Variants in C12orf43 observed in about 807,000 individuals in gnomAD.
C12orf43 encodes the protein chromosome 12 open reading frame 43, also known as protein CUSTOS.
Under a neutral mutation model 20.6 loss-of-function variants are expected in C12orf43, and 15 were observed. The observed-to-expected ratio is 0.73, with a 90% CI of 0.49 to 1.12. C12orf43 has a LOEUF of 1.12. Among genes scored for constraint, C12orf43 ranks in the 50% most tolerant of loss-of-function variants. The probability of loss-of-function intolerance (pLI) is 0.00; values close to 1 mark genes in which losing one functional copy is unlikely to be tolerated. For synonymous variants in C12orf43, 144 were observed against 130.8 expected, an observed-to-expected ratio of 1.10 and a Z score of -0.69; for missense variants, 334 against 344.4, an observed-to-expected ratio of 0.97 and a Z score of 0.24.
At chr12:121,007,247 T>C (rs142114800) in intron 3 of C12orf43, 5 of 152,284 alleles carry the variant, frequency 3.3e-5, no homozygotes, top group Admixed American at 3.3e-4. Context: ...AGATGTTCCA[T>C]AGACCCTCCA....
In C12orf43 at chr12:121,004,633, C is replaced by T; in HGVS notation, c.453-144G>A. The T allele has an allele frequency of 1.2e-6, 1 of 815,854 alleles. No individual in the cohort carries two copies. The highest frequency in any genetic ancestry group is 1.9e-6 in the Non-Finnish European group (1 of 526,336). 50.5% of individuals were successfully genotyped at this position (815,854 alleles called of 1,614,324 possible). On this transcript the variant is annotated intron_variant, in intron 5 of 5. Coordinates refer to ENST00000288757, the MANE Select transcript of C12orf43 (RefSeq NM_022895.3). The surrounding 1 kb of genome is among the most constrained non-coding windows in gnomAD (Gnocchi z 5.6). ...GTGAGTTCAGGCTTGGGAGTGAGGCCAACCTGGCTTCCAATACTGGCTTCT... is the reference window on the plus strand; with the variant it reads ...GTGAGTTCAGGCTTGGGAGTGAGGCTAACCTGGCTTCCAATACTGGCTTCT...
In C12orf43 at chr12:121,003,484, C is replaced by G. The variant is rs1877695344; in HGVS notation, c.*669G>C. 6.6e-6 allele frequency: 1 copy of G among 152,316 alleles called. No individual in the cohort carries two copies. The highest frequency in any genetic ancestry group is 2.1e-4 in the South Asian group (1 of 4,828). The allele number at this position is 152,316 out of a possible 1,614,324, so 9.4% of individuals were successfully genotyped here. ...AAAATGTCTTAAGGTTCAGCATTGA[C>G]AGAGAGGCAATATCCAAATCACTCT... is the stretch of plus-strand genomic sequence containing the variant. On this transcript the variant is annotated 3_prime_UTR_variant, in exon 6 of 6. Coordinates refer to ENST00000288757, the MANE Select transcript of C12orf43 (RefSeq NM_022895.3).
At chr12:121,007,013 AAG>A (rs1878078885) in intron 3 of C12orf43, 1 of 152,892 alleles carries the variant, frequency 6.5e-6, no homozygotes, top group Non-Finnish European at 1.5e-5. Context: ...GAGGAACAGA[AAG>A]ACCTAGAAGT....
In C12orf43 at chr12:121,001,239, A is replaced by G; in HGVS notation, c.*2914T>C. ...GCCTGTACTGCCTGCTTGGGGGGTG[A>G]TGAGGGCAGCAGCCAGCCCTGCCTG... On this transcript the variant is annotated 3_prime_UTR_variant, in exon 6 of 6. Coordinates refer to ENST00000288757, the MANE Select transcript of C12orf43 (RefSeq NM_022895.3). 1 of 1,609,190 alleles carries G rather than the reference A, an allele frequency of 6.2e-7. No individual in the cohort carries two copies. Among genetic ancestry groups the G allele is most frequent in the Non-Finnish European group, 8.5e-7 (1 of 1,178,138 alleles).
At position 121,001,341 on chromosome 12, in the gene C12orf43, CAGAA is replaced by C; in HGVS notation, c.*2808_*2811del. ...CGCTCCCCACTCTGCTCTGATGCAT[CAGAA>C]AGGGAGGGCTCTGAGGCGCCCCAAC... On this transcript the variant is annotated 3_prime_UTR_variant, in exon 6 of 6. Coordinates refer to ENST00000288757, the MANE Select transcript of C12orf43 (RefSeq NM_022895.3). 2 of 1,019,044 alleles carry C rather than the reference CAGAA, an allele frequency of 2.0e-6. No homozygotes were observed. The highest frequency in any genetic ancestry group is 2.1e-5 in the Admixed American group (1 of 46,650). The allele number at this position is 1,019,044 out of a possible 1,614,324, so 63.1% of individuals were successfully genotyped here. A position where few individuals can be genotyped will look rare whatever the true frequency, so the allele number is the denominator to read the frequency against.
intron 1 of C12orf43, 111 bp from the exon 2 acceptor site, chr12:121,011,257 A>G: frequency 1.3e-6 from 1 of 769,998 alleles, no homozygotes; most frequent in Non-Finnish European, 2.2e-6. Context: ...TCATATATAT[A>G]CATACACATG....
rs1877725025 is a variant in C12orf43 at position 121,003,789 on chromosome 12, C to T, written c.*364G>A. On this transcript the variant is annotated 3_prime_UTR_variant, in exon 6 of 6. Coordinates refer to ENST00000288757, the MANE Select transcript of C12orf43 (RefSeq NM_022895.3). The stretch of plus-strand genomic sequence containing the variant: ...GGAGGTGGTGGGGAAGGTCTCCCTT[C>T]CCCTGCCCACCTCAGACAGTTCTAG... 4.0e-6 allele frequency: 1 copy of T among 247,414 alleles called. No individual in the cohort carries two copies. The highest frequency in any genetic ancestry group is 2.3e-5 in the African/African-American group (1 of 44,388). 15.3% of individuals were successfully genotyped at this position (247,414 alleles called of 1,614,324 possible).
At chr12:121,010,501 C>T (rs997531548) in intron 3 of C12orf43, among the ~76,000 whole-genome samples, 6 of 152,176 alleles carry the variant, frequency 3.9e-5, no homozygotes, top group African/African-American at 1.4e-4. Flanking sequence ...CCCTACCTCT[C>T]AGGGTCATCA....
Position 121,001,204 on chromosome 12 carries a change from G to C in C12orf43, c.*2949C>G. 12 of 1,613,692 alleles carry C rather than the reference G, an allele frequency of 7.4e-6. No individual in the cohort carries two copies. The highest frequency in any genetic ancestry group is 9.3e-6 in the Non-Finnish European group (11 of 1,179,900). On this transcript the variant is annotated 3_prime_UTR_variant, in exon 6 of 6. Coordinates refer to ENST00000288757, the MANE Select transcript of C12orf43 (RefSeq NM_022895.3). ...CTTCCTCCCAGTAACCACGGCACCTGGGCCCTGGGGCCTGTACTGCCTGCT... is the reference window on the plus strand; with the variant it reads ...CTTCCTCCCAGTAACCACGGCACCTCGGCCCTGGGGCCTGTACTGCCTGCT...
intron 3 of C12orf43, among the ~76,000 whole-genome samples, chr12:121,009,588 C>T (rs1371265216): frequency 1.3e-5 from 2 of 152,282 alleles, no homozygotes; most frequent in East Asian, 3.9e-4. Flanking sequence ...AGAGAGACCC[C>T]TCGCCCATGC....
At position 121,004,964 on chromosome 12, in the gene C12orf43, A is replaced by G; in HGVS notation, c.452+39T>C. 1 of 1,414,282 alleles carries G rather than the reference A, an allele frequency of 7.1e-7. No individual in the cohort carries two copies. Among genetic ancestry groups the G allele is most frequent in the Non-Finnish European group, 9.4e-7 (1 of 1,059,540 alleles). The allele number at this position is 1,414,282 out of a possible 1,614,324, so 87.6% of individuals were successfully genotyped here. A position where few individuals can be genotyped will look rare whatever the true frequency, so the allele number is the denominator to read the frequency against. On this transcript the variant is annotated intron_variant, in intron 5 of 5. Coordinates refer to ENST00000288757, the MANE Select transcript of C12orf43 (RefSeq NM_022895.3). This position sits in a 1 kb window ranked among gnomAD's most constrained non-coding sequence, Gnocchi z 5.6. ...GGAACCCACCAAGACAGAAGAGGAG[A>G]AAAAAGGAGGGGACGTGAGGAGAGG...
intron 1 of C12orf43, among the ~76,000 whole-genome samples, chr12:121,014,306 T>A (rs1026442280): frequency 1.3e-5 from 2 of 151,622 alleles, no homozygotes; most frequent in African/African-American, 4.9e-5. Flanking sequence ...CACTCCAGCC[T>A]TGGTAACAGA....
At position 121,003,914 on chromosome 12, in the gene C12orf43, C is replaced by G; in HGVS notation, c.*239G>C. On this transcript the variant is annotated 3_prime_UTR_variant, in exon 6 of 6. Coordinates refer to ENST00000288757, the MANE Select transcript of C12orf43 (RefSeq NM_022895.3). ...TGTTCTGGAACCACAGCGCCCCCGC[C>G]AGCCCTCCGTGGGAGCACAGAGGGG... The G allele has an allele frequency of 1.7e-6, 1 of 586,504 alleles. No homozygotes were observed. The highest frequency in any genetic ancestry group is 3.0e-5 in the Admixed American group (1 of 33,286). The allele number at this position is 586,504 out of a possible 1,614,324, so 36.3% of individuals were successfully genotyped here.
rs775608518 is a variant in C12orf43, at chr12:121,004,334, A to T, written c.608T>A (p.Val203Asp). 1.2e-6 allele frequency: 2 copies of T among 1,614,214 alleles called. No homozygotes were observed. Among genetic ancestry groups the T allele is most frequent in the Admixed American group, 3.3e-5 (2 of 60,022 alleles). ...GGTGGTGGCAGCGACAGCCGAGTCGACACTGGCCACCTTCTTGGCTTTCTT... is the reference window on the plus strand; with the variant it reads ...GGTGGTGGCAGCGACAGCCGAGTCGTCACTGGCCACCTTCTTGGCTTTCTT... The part of the protein sequence containing the change: ...LKKKAKKVAS[V>D]DSAVAATTPT... Residue 203 changes from valine to aspartate, a missense_variant, in exon 6 of 6, where the codon GTC becomes GAC. By Grantham distance (152) the Val-to-Asp change is radical (BLOSUM62 -3). Transcript: ENST00000288757. This position sits in a 1 kb window ranked among gnomAD's most constrained non-coding sequence, Gnocchi z 5.6.
At chr12:121,010,324 A>G (rs1878352538) in intron 3 of C12orf43, among the ~76,000 whole-genome samples, 1 of 152,130 alleles carries the variant, frequency 6.6e-6, no homozygotes, top group African/African-American at 2.4e-5. Flanking sequence ...AAAACAAAAC[A>G]AAAAAATGTG....
rs1431443150 is a variant in C12orf43 at position 121,005,267 on chromosome 12, A to T, written c.362-174T>A. Among the ~76,000 whole-genome samples the T allele has an allele frequency of 2.6e-5, 4 of 152,042 alleles. No homozygotes were observed. Among genetic ancestry groups the T allele is most frequent in the South Asian group, 2.1e-4 (1 of 4,836 alleles). ...AAGAAGACACAAAATAAAAAAATTT[A>T]AAAAAGAAACAATAACAAAAAAACC... On this transcript the variant is annotated intron_variant, in intron 4 of 5. Transcript: ENST00000288757. The surrounding 1 kb of genome is among the most constrained non-coding windows in gnomAD (Gnocchi z 5.6).
At position 121,004,969 on chromosome 12, in the gene C12orf43, A is replaced by G. The variant is rs906493000; in HGVS notation, c.452+34T>C. On this transcript the variant is annotated intron_variant, in intron 5 of 5. Coordinates refer to ENST00000288757, the MANE Select transcript of C12orf43 (RefSeq NM_022895.3). This position sits in a 1 kb window ranked among gnomAD's most constrained non-coding sequence, Gnocchi z 5.6. ...CCACCAAGACAGAAGAGGAGAAAAA[A>G]GGAGGGGACGTGAGGAGAGGTGTGA... The G allele has an allele frequency of 2.7e-6, 4 of 1,455,298 alleles. No homozygotes were observed. The highest frequency in any genetic ancestry group is 2.5e-5 in the Admixed American group (1 of 39,354). 90.1% of individuals were successfully genotyped at this position (1,455,298 alleles called of 1,614,324 possible). A position where few individuals can be genotyped will look rare whatever the true frequency, so the allele number is the denominator to read the frequency against.
At chr12:121,015,250 T>C (rs1868795829) in intron 1 of C12orf43, among the ~76,000 whole-genome samples, 1 of 152,118 alleles carries the variant, frequency 6.6e-6, no homozygotes, top group Non-Finnish European at 1.5e-5. Flanking sequence ...ACTGTGGTTA[T>C]GGTACTAGGG....
Position 121,001,341 on chromosome 12 carries a change from C to A in C12orf43, c.*2812G>T. 1 of 1,019,042 alleles carries A rather than the reference C, an allele frequency of 9.8e-7. No individual in the cohort carries two copies. The highest frequency in any genetic ancestry group is 1.4e-6 in the Non-Finnish European group (1 of 692,456). The allele number at this position is 1,019,042 out of a possible 1,614,324, so 63.1% of individuals were successfully genotyped here. ...CGCTCCCCACTCTGCTCTGATGCAT[C>A]AGAAAGGGAGGGCTCTGAGGCGCCC... On this transcript the variant is annotated 3_prime_UTR_variant, in exon 6 of 6. Coordinates refer to ENST00000288757, the MANE Select transcript of C12orf43 (RefSeq NM_022895.3).
Sources: allele counts gnomAD v4.1 joint callset (sites outside exome capture counted in the v4.1 genomes callset), GRCh38; gene constraint gnomAD v4.1.1; non-coding constraint Gnocchi (gnomAD v3.1); transcripts MANE v1.5; gene names NCBI Gene and HGNC (gene_info 2026-07-23, HGNC 2026-07-21).